Variants in TBC1D9 observed in about 807,000 individuals in gnomAD.
The protein encoded by TBC1D9 is TBC1 domain family member 9A.
TBC1D9 carries 63 observed loss-of-function variants against 132.0 expected under a neutral mutation model. The observed-to-expected ratio is 0.48, with a 90% CI of 0.39 to 0.59. The LOEUF (loss-of-function observed/expected upper bound fraction) is 0.59. Among genes scored for constraint, TBC1D9 ranks in the 20% least tolerant of loss-of-function variants. The probability of loss-of-function intolerance (pLI) is 0.00; values close to 1 mark genes in which losing one functional copy is unlikely to be tolerated. For synonymous variants in TBC1D9, 610 were observed against 609.9 expected (o/e 1.00, Z 0.00); for missense variants, 1,261 against 1,592.7 (o/e 0.79, Z 3.54).
chr4:140,676,850 A>G lies in TBC1D9; in HGVS notation c.1059+44T>C, dbSNP rs755601578. ...TTATTCCTGGTTCACCCAGAAAAGT[A>G]TTACAAATGAAACTTAAAATATCAA... On this transcript the variant is annotated intron_variant, in intron 6 of 20. Coordinates refer to ENST00000442267, the MANE Select transcript of TBC1D9 (RefSeq NM_015130.3). 18 of 1,604,118 alleles carry G rather than the reference A, an allele frequency of 1.1e-5. No individual in the cohort carries two copies. In the South Asian group the frequency reaches 1.6e-4, roughly 14 times the overall value.
At chr4:140,657,904 G>C in intron 11 of TBC1D9, 92 bp from the exon 12 acceptor site, 2 of 1,396,450 alleles carry the variant, frequency 1.4e-6, no homozygotes. Flanking sequence ...GCTAGCACAG[G>C]ACTCTGTTCC....
At chr4:140,627,212 C>G (rs1736723521) in intron 18 of TBC1D9, among the ~76,000 whole-genome samples, 1 of 152,212 alleles carries the variant, frequency 6.6e-6, no homozygotes, top group South Asian at 2.1e-4. Context: ...CTATAGGACA[C>G]AAGTTTCCTA....
chr4:140,654,918 C>T (rs568745965), intron 13 of TBC1D9, among the ~76,000 whole-genome samples: 37 of 151,738 alleles, frequency 2.4e-4, no homozygotes, highest in Middle Eastern at 3.5e-3. Context: ...TCTTAGAATG[C>T]TATATAATAC....
intron 1 of TBC1D9, among the ~76,000 whole-genome samples, chr4:140,755,082 T>C (rs1234184159): frequency 6.6e-6 from 1 of 152,202 alleles, no homozygotes; most frequent in African/African-American, 2.4e-5. Flanking sequence ...TGCTAACTTT[T>C]TCACTGTAAA....
intron 13 of TBC1D9, chr4:140,642,975 G>A (rs1336533135): frequency 3.0e-6 from 2 of 672,842 alleles, no homozygotes; most frequent in African/African-American, 1.8e-5. Context: ...CTGGACCTCG[G>A]CCCGCCACAT....
intron 13 of TBC1D9, among the ~76,000 whole-genome samples, chr4:140,654,547 C>CA (rs1183946882): frequency 4.6e-5 from 7 of 152,172 alleles, no homozygotes; most frequent in African/African-American, 1.7e-4. Context: ...TTATATCCCA[C>CA]AAAACCTTGG....
At chr4:140,643,187 T>C (rs1737036563) in intron 13 of TBC1D9, 1 of 1,427,244 alleles carries the variant, frequency 7.0e-7, no homozygotes, top group Non-Finnish European at 9.6e-7. Flanking sequence ...GGCTCTCCAG[T>C]GAGGGCCGAG....
chr4:140,638,808 A>G (rs2110975827), intron 15 of TBC1D9, among the ~76,000 whole-genome samples: 1 of 152,298 alleles, frequency 6.6e-6, no homozygotes, highest in Admixed American at 6.5e-5. Flanking sequence ...AAACTTGATC[A>G]CCATTGTTTT....
At chr4:140,693,311 T>C (rs1025294344) in intron 2 of TBC1D9, among the ~76,000 whole-genome samples, 9 of 152,128 alleles carry the variant, frequency 5.9e-5, no homozygotes, top group African/African-American at 2.2e-4. Context: ...CTTACATGTT[T>C]TACAAGTGCA....
chr4:140,745,629 A>G (rs1738825658), intron 1 of TBC1D9, among the ~76,000 whole-genome samples: 1 of 152,212 alleles, frequency 6.6e-6, no homozygotes, highest in Admixed American at 6.5e-5. Context: ...AGACTGCAGT[A>G]TATAATACAT....
intron 13 of TBC1D9, among the ~76,000 whole-genome samples, chr4:140,656,601 T>C (rs917639271): frequency 4.6e-5 from 7 of 152,194 alleles, no homozygotes; most frequent in Non-Finnish European, 8.8e-5. Context: ...CAAGGCTTTG[T>C]CTCTTTGCAG....
chr4:140,751,933 A>C (rs1246420154), intron 1 of TBC1D9, among the ~76,000 whole-genome samples: 5 of 152,254 alleles, frequency 3.3e-5, no homozygotes, highest in African/African-American at 1.2e-4. Flanking sequence ...GACAGTGTTG[A>C]CAAGGATATG....
At chr4:140,698,692 C>G (rs1422906729) in intron 2 of TBC1D9, among the ~76,000 whole-genome samples, 2 of 148,532 alleles carry the variant, frequency 1.3e-5, no homozygotes, top group East Asian at 2.0e-4. Context: ...GAGCTGAGAT[C>G]GTGCCACTGC....
chr4:140,745,916 T>C (rs1416016301), intron 1 of TBC1D9, among the ~76,000 whole-genome samples: 1 of 152,212 alleles, frequency 6.6e-6, no homozygotes, highest in African/African-American at 2.4e-5. Context: ...TGAATATCAC[T>C]TTGTTATTTC....
chr4:140,688,626 G>T (rs1224587370), intron 2 of TBC1D9, among the ~76,000 whole-genome samples: 1 of 152,106 alleles, frequency 6.6e-6, no homozygotes, highest in African/African-American at 2.4e-5. Flanking sequence ...CCATGATGGT[G>T]CCACTGCACT....
At position 140,643,452 on chromosome 4, in the gene TBC1D9, G is replaced by A. The variant is rs929935026; in HGVS notation, c.2338-4024C>T. 9.8e-6 allele frequency: 9 copies of A among 920,546 alleles called. No individual in the cohort carries two copies. In the African/African-American group the frequency reaches 1.3e-4, roughly 13 times the overall value. 57.0% of individuals were successfully genotyped at this position (920,546 alleles called of 1,614,324 possible). A position where few individuals can be genotyped will look rare whatever the true frequency, so the allele number is the denominator to read the frequency against. Reference sequence around the variant, plus strand: ...GCCGGGCAGGAACTGCTCAGAGCTTGCCTCTTCCAGGTAGCAGGTGCTGCC... The same window carrying A: ...GCCGGGCAGGAACTGCTCAGAGCTTACCTCTTCCAGGTAGCAGGTGCTGCC... On this transcript the variant is annotated intron_variant, in intron 13 of 20. Coordinates refer to ENST00000442267, the MANE Select transcript of TBC1D9 (RefSeq NM_015130.3).
chr4:140,669,735 C>A lies in TBC1D9; in HGVS notation c.1336G>T (p.Glu446Ter). Residue 446 changes from glutamate (E) to a stop codon, truncating the protein, a stop_gained, in exon 8 of 21, where the codon GAG (glutamate) becomes TAG (stop). Transcript: ENST00000442267. LOFTEE classifies it high-confidence loss of function. ...QRSTSSDADGERQFNLNGNSV... is the reference protein window; with the variant it reads ...QRSTSSDADG Reference sequence around the variant, plus strand: ...TTGCCATTTAGGTTAAACTGGCGCTCTCCATCAGCATCAGAGCTCGTGCTT... The same window carrying A: ...TTGCCATTTAGGTTAAACTGGCGCTATCCATCAGCATCAGAGCTCGTGCTT... 1 of 1,614,012 alleles carries A rather than the reference C, an allele frequency of 6.2e-7. No individual in the cohort carries two copies. Among genetic ancestry groups the A allele is most frequent in the South Asian group, 1.1e-5 (1 of 91,084 alleles).
chr4:140,745,113 T>C (rs557604302), intron 1 of TBC1D9, among the ~76,000 whole-genome samples: 12 of 152,120 alleles, frequency 7.9e-5, no homozygotes, highest in African/African-American at 2.7e-4. Flanking sequence ...ACAAAACCAA[T>C]TACACCTTAC....
At chr4:140,639,562 C>T (rs1218817134) in intron 13 of TBC1D9, 134 bp from the exon 14 acceptor site, 7 of 621,816 alleles carry the variant, frequency 1.1e-5, no homozygotes, top group Non-Finnish European at 1.7e-5. Flanking sequence ...CTACAGTACA[C>T]CTTTAGCTAC....
Sources: gnomAD v4.1 joint callset for allele counts (sites outside exome capture counted in the v4.1 genomes callset) on GRCh38, gnomAD v4.1.1 for gene constraint, MANE v1.5 for transcripts, NCBI Gene and HGNC (gene_info 2026-07-23, HGNC 2026-07-21) for gene names.